Variants in LRP2 observed in about 807,000 individuals in gnomAD.
The protein encoded by LRP2 is LDL receptor related protein 2, also known as low-density lipoprotein receptor-related protein 2.
A neutral mutation model predicts 531.0 loss-of-function variants in LRP2; 172 were observed. The observed-to-expected ratio is 0.32, with a 90% CI of 0.29 to 0.37. The LOEUF (loss-of-function observed/expected upper bound fraction) is 0.37. Ranked by LOEUF, LRP2 falls within the 10% of genes least tolerant of loss-of-function variation. The pLI is 1.00. For synonymous variants in LRP2, 1,992 were observed against 2,027.6 expected, an observed-to-expected ratio of 0.98 and a Z score of 0.47; for missense variants, 5,167 against 5,868.3, an observed-to-expected ratio of 0.88 and a Z score of 3.90.
intron 1 of LRP2, among the ~76,000 whole-genome samples, chr2:169,339,676 C>T (rs1685510216): frequency 6.6e-6 from 1 of 152,136 alleles, no homozygotes. Context: ...CTGAGTTGTA[C>T]AATATAGAAT....
chr2:169,205,367 G>A, intron 41 of LRP2, 112 bp downstream of exon 41: 17 of 1,151,430 alleles, frequency 1.5e-5, no homozygotes, highest in Non-Finnish European at 2.2e-5. Flanking sequence ...CTATATTCTG[G>A]CAATGTCTAT....
intron 3 of LRP2, among the ~76,000 whole-genome samples, chr2:169,309,260 A>G (rs866078914): frequency 3.7e-4 from 56 of 151,990 alleles, no homozygotes; most frequent in Middle Eastern, 3.4e-3. Flanking sequence ...GGCTTTTGTT[A>G]CCATTGCTTT....
rs150113078 is a variant in LRP2 at position 169,176,423 on chromosome 2, G to A, written c.10559C>T (p.Ala3520Val). The A allele has an allele frequency of 4.0e-5, 65 of 1,614,070 alleles. No individual in the cohort carries two copies. Among genetic ancestry groups the A allele is most frequent in the Non-Finnish European group, 4.8e-5 (57 of 1,180,038 alleles). The change falls in exon 54 of 79, where the codon GCT (alanine) becomes GTT (valine). Residue 3520 changes from alanine (A) to valine (V), a missense_variant. Coordinates refer to ENST00000649046, the MANE Select transcript of LRP2 (RefSeq NM_004525.3). ...PMCSSTQFLC[A>V]NNEKCIPIWW... The stretch of plus-strand genomic sequence containing the variant: ...AAGAGAGCCTTACTTTTCATTGTTA[G>A]CGCACAGGAACTGGGTGCTGGAGCA...
At chr2:169,354,392 C>A (rs765538610) in intron 1 of LRP2, among the ~76,000 whole-genome samples, 30 of 152,296 alleles carry the variant, frequency 2.0e-4, no homozygotes, top group Middle Eastern at 6.8e-3. Context: ...ACAATAAATG[C>A]GCCATTGTAT....
chr2:169,175,132 T>A (rs1040892369), intron 55 of LRP2, 61 bp downstream of exon 55: 1 of 1,530,222 alleles, frequency 6.5e-7, no homozygotes, highest in African/African-American at 1.4e-5. Context: ...ACCCACAGAA[T>A]CATGATCGTA....
Position 169,181,612 on chromosome 2 carries a change from G to A in LRP2, c.10005C>T (p.Leu3335=). 5 of 1,614,082 alleles carry A rather than the reference G, an allele frequency of 3.1e-6. No individual in the cohort carries two copies. Among genetic ancestry groups the A allele is most frequent in the Non-Finnish European group, 4.2e-6 (5 of 1,180,000 alleles). The part of the protein sequence containing the change: ...GLALHPQYGY[L]YWADWGHRAY... ...CGCGGTGACCCCAGTCTGCCCAGTA[G>A]AGGTACCTGTCAGGGCAAACACAAA... Residue 3335 remains leucine (L), a synonymous_variant, in exon 52 of 79, where the codon CTC becomes CTT. Transcript: ENST00000649046.
At chr2:169,361,950 C>G (rs1254842156) in intron 1 of LRP2, among the ~76,000 whole-genome samples, 1 of 152,212 alleles carries the variant, frequency 6.6e-6, no homozygotes, top group East Asian at 1.9e-4. Context: ...ACCGCGCCGC[C>G]CAGCAGAGAA....
intron 6 of LRP2, among the ~76,000 whole-genome samples, chr2:169,293,567 CG>C (rs1684057159): frequency 6.6e-6 from 1 of 152,090 alleles, no homozygotes; most frequent in Non-Finnish European, 1.5e-5. Context: ...CCCAGCTATT[CG>C]GGAGGCTGAA....
chr2:169,284,103 T>C (rs1683776873), intron 9 of LRP2, among the ~76,000 whole-genome samples: 1 of 152,102 alleles, frequency 6.6e-6, no homozygotes, highest in Admixed American at 6.6e-5. Context: ...CACTCCCAAG[T>C]CTAGAATTCT....
intron 1 of LRP2, among the ~76,000 whole-genome samples, chr2:169,353,919 A>T (rs913860588): frequency 6.6e-6 from 1 of 152,156 alleles, no homozygotes; most frequent in Non-Finnish European, 1.5e-5. Flanking sequence ...TCAGCCTGGG[A>T]AGTTGAGGCT....
intron 19 of LRP2, 110 bp from the exon 20 acceptor site, chr2:169,247,625 C>G (rs964616505): frequency 8.8e-7 from 1 of 1,134,086 alleles, no homozygotes; most frequent in African/African-American, 1.5e-5. Flanking sequence ...ACGATCATCT[C>G]CCCCATAAAT....
In LRP2 at chr2:169,362,459, C is replaced by T; in HGVS notation, c.-60G>A. 1 of 1,413,890 alleles carries T rather than the reference C, an allele frequency of 7.1e-7. No homozygotes were observed. The highest frequency in any genetic ancestry group is 9.7e-7 in the Non-Finnish European group (1 of 1,032,212). The allele number at this position is 1,413,890 out of a possible 1,614,324, so 87.6% of individuals were successfully genotyped here. A position where few individuals can be genotyped will look rare whatever the true frequency, so the allele number is the denominator to read the frequency against. On this transcript the variant is annotated 5_prime_UTR_variant, in exon 1 of 79. It adds an upstream start codon to the 5' untranslated region. Coordinates refer to ENST00000649046, the MANE Select transcript of LRP2 (RefSeq NM_004525.3). ...CCGGGAGGTGGGCGCGCGTAGCACA[C>T]CGCACCGGCAGCGCCTCTGCTAGCG...
chr2:169,145,642 G>C, intron 70 of LRP2, 105 bp downstream of exon 70: 1 of 1,120,296 alleles, frequency 8.9e-7, no homozygotes, highest in Non-Finnish European at 1.4e-6. Context: ...TGCACCAAGA[G>C]ATTAGCTTGT....
intron 1 of LRP2, among the ~76,000 whole-genome samples, chr2:169,324,140 T>C (rs927008825): frequency 9.2e-5 from 14 of 152,156 alleles, no homozygotes; most frequent in African/African-American, 3.4e-4. Context: ...CCCTATGAAA[T>C]AGATACTGTT....
chr2:169,130,290 T>C (rs1453607812), intron 77 of LRP2, among the ~76,000 whole-genome samples: 2 of 146,414 alleles, frequency 1.4e-5, no homozygotes, highest in Admixed American at 6.8e-5. Context: ...AACTGAATCT[T>C]TTTTTTTTTT....
At chr2:169,332,936 C>T (rs547500835) in intron 1 of LRP2, among the ~76,000 whole-genome samples, 67 of 152,328 alleles carry the variant, frequency 4.4e-4, no homozygotes, top group Admixed American at 9.8e-4. Context: ...GAGTTGCACA[C>T]ACAGGCATGC....
At chr2:169,290,639 C>T (rs887126632) in intron 8 of LRP2, among the ~76,000 whole-genome samples, 2 of 152,098 alleles carry the variant, frequency 1.3e-5, no homozygotes, top group Admixed American at 6.6e-5. Context: ...AACATCCTGA[C>T]GTGTGAGTGA....
Position 169,132,641 on chromosome 2 carries a change from C to T in LRP2, c.13661G>A (p.Ser4554Asn), listed in dbSNP as rs770208297. The T allele has an allele frequency of 2.5e-6, 4 of 1,608,558 alleles. No individual in the cohort carries two copies. Among genetic ancestry groups the T allele is most frequent in the Non-Finnish European group, 3.4e-6 (4 of 1,175,078 alleles). The stretch of plus-strand genomic sequence containing the variant: ...AACTATCTCAGAAGGGTTTATGGGA[C>T]TTCCATAATTCTTATTATCCACATT... ...SENVDNKNYGSPINPSEIVPE... is the reference protein window; with the variant it reads ...SENVDNKNYGNPINPSEIVPE... Residue 4554 changes from serine (S) to asparagine (N), a missense_variant, in exon 77 of 79, where the codon AGT becomes AAT. Ser to Asn is a conservative substitution (Grantham distance 46). Transcript: ENST00000649046.
chr2:169,211,390 A>G (rs1020024651), intron 37 of LRP2, among the ~76,000 whole-genome samples: 2 of 152,240 alleles, frequency 1.3e-5, no homozygotes, highest in East Asian at 1.9e-4. Context: ...ATACATTCAC[A>G]GTATGTAAGC....
Sources: gnomAD v4.1 joint callset for allele counts (sites outside exome capture counted in the v4.1 genomes callset) on GRCh38, gnomAD v4.1.1 for gene constraint, MANE v1.5 for transcripts, NCBI Gene and HGNC (gene_info 2026-07-23, HGNC 2026-07-21) for gene names.